ATF2: variants seen among roughly 807,000 people sequenced by gnomAD.
The protein encoded by ATF2 is activating transcription factor 2, also known as cyclic AMP-dependent transcription factor ATF-2.
ATF2 carries 24 observed loss-of-function variants against 60.6 expected under a neutral mutation model. The observed-to-expected ratio is 0.40, with a 90% CI of 0.29 to 0.56. The LOEUF is 0.56. ATF2 is among the 20% of genes least tolerant of loss of function. ATF2 has a pLI of 0.54. For synonymous variants in ATF2, 206 were observed against 215.4 expected (o/e 0.96, Z 0.38); for missense variants, 433 against 607.7 (o/e 0.71, Z 3.02).
At position 175,085,595 on chromosome 2, in the gene ATF2, CACAA is replaced by C. The variant is rs762415616; in HGVS notation, c.1186-4834_1186-4831del. 6.5e-3 allele frequency among the ~76,000 whole-genome samples: 839 copies of C among 129,944 alleles called. 6 individuals are homozygous for C. Among genetic ancestry groups the C allele is most frequent in the East Asian group, 0.028 (131 of 4,738 alleles). 85.2% of individuals were successfully genotyped at this position (129,944 alleles called of 152,430 possible). A position where few individuals can be genotyped will look rare whatever the true frequency, so the allele number is the denominator to read the frequency against. On this transcript the variant is annotated intron_variant, in intron 12 of 13. Transcript: ENST00000264110. ...ACACACACACACACACACACACACACACAAATTCTCTCTTTAAATAGACAGGTCT... is the reference window on the plus strand; with the variant it reads ...ACACACACACACACACACACACACACATTCTCTCTTTAAATAGACAGGTCT...
chr2:175,123,317 T>A (rs759537754), intron 4 of ATF2, among the ~76,000 whole-genome samples: 25 of 152,026 alleles, frequency 1.6e-4, no homozygotes, highest in Non-Finnish European at 2.4e-4. Context: ...GTGTCTTACA[T>A]CCTACACTAA....
chr2:175,093,286 A>G lies in ATF2; in HGVS notation c.979-19T>C, dbSNP rs1448840311. 6.2e-7 allele frequency: 1 copy of G among 1,607,980 alleles called. No homozygotes were observed. The highest frequency in any genetic ancestry group is 1.3e-5 in the African/African-American group (1 of 74,766). On this transcript the variant is annotated intron_variant, in intron 11 of 13. Transcript: ENST00000264110. ...GAGAAGCCTATTATAAACAGAGATG[A>G]AAGCCTGTTATATTTGTATCTAGTG...
chr2:175,074,708 G>A lies in ATF2; in HGVS notation c.1419C>T (p.Ala473=). ...CCGCCATCTGGGTGAGGACTGAAGTGGCTACAGCTTCTGCCTTGGAGGTTG... is the reference window on the plus strand; with the variant it reads ...CCGCCATCTGGGTGAGGACTGAAGTAGCTACAGCTTCTGCCTTGGAGGTTG... ...VSSTSKAEAV[A]TSVLTQMADQ... The change falls in exon 14 of 14, where the codon GCC becomes GCT. Residue 473 remains alanine (A), a synonymous_variant. Transcript: ENST00000264110. The A allele has an allele frequency of 6.2e-7, 1 of 1,613,418 alleles. No homozygotes were observed. The highest frequency in any genetic ancestry group is 2.2e-5 in the East Asian group (1 of 44,848).
chr2:175,150,100 CA>C (rs1699208235), intron 2 of ATF2, among the ~76,000 whole-genome samples: 1 of 152,142 alleles, frequency 6.6e-6, no homozygotes, highest in Non-Finnish European at 1.5e-5. Flanking sequence ...TTATTTAATG[CA>C]GGTATCACAG....
chr2:175,116,847 C>G (rs1233353295), intron 7 of ATF2, among the ~76,000 whole-genome samples: 2 of 151,816 alleles, frequency 1.3e-5, no homozygotes, highest in African/African-American at 4.8e-5. Context: ...TTTCCAATAA[C>G]TGTAATAATG....
At chr2:175,133,878 A>G (rs1023440269) in intron 3 of ATF2, among the ~76,000 whole-genome samples, 13 of 152,188 alleles carry the variant, frequency 8.5e-5, no homozygotes, top group Non-Finnish European at 1.2e-4. Context: ...TTTAAATTAT[A>G]CCTCAATAAA....
intron 1 of ATF2, among the ~76,000 whole-genome samples, chr2:175,164,923 C>T (rs1326093196): frequency 2.0e-5 from 3 of 152,210 alleles, no homozygotes; most frequent in Non-Finnish European, 4.4e-5. Flanking sequence ...GTGGCACGAT[C>T]GGCTCTCACT....
At chr2:175,083,823 A>AACTG (rs1693941929) in intron 12 of ATF2, among the ~76,000 whole-genome samples, 1 of 152,310 alleles carries the variant, frequency 6.6e-6, no homozygotes, top group Admixed American at 6.5e-5. Context: ...CCCCATCCAA[A>AACTG]ACTGGGCAAA....
rs945273415 is a variant in ATF2 at position 175,074,256 on chromosome 2, G to A, written c.*353C>T. Reference sequence around the variant, plus strand: ...GTTGAGGGTTAAGGGGTGGTCAAAAGAAATGGAAGTGGGAAGAAAGATTCA... The same window carrying A: ...GTTGAGGGTTAAGGGGTGGTCAAAAAAAATGGAAGTGGGAAGAAAGATTCA... On this transcript the variant is annotated 3_prime_UTR_variant, in exon 14 of 14. Transcript: ENST00000264110. 6 of 182,014 alleles carry A rather than the reference G, an allele frequency of 3.3e-5. No homozygotes were observed. Among genetic ancestry groups the A allele is most frequent in the African/African-American group, 1.4e-4 (6 of 41,626 alleles). The allele number at this position is 182,014 out of a possible 1,614,324, so 11.3% of individuals were successfully genotyped here. A position where few individuals can be genotyped will look rare whatever the true frequency, so the allele number is the denominator to read the frequency against.
intron 10 of ATF2, among the ~76,000 whole-genome samples, chr2:175,101,851 A>G (rs1260119775): frequency 6.6e-6 from 1 of 152,238 alleles, no homozygotes; most frequent in Non-Finnish European, 1.5e-5. Context: ...TGGGTATACA[A>G]CAGAAGAAAA....
At chr2:175,083,797 A>G (rs952503073) in intron 12 of ATF2, among the ~76,000 whole-genome samples, 2 of 152,216 alleles carry the variant, frequency 1.3e-5, no homozygotes, top group Non-Finnish European at 2.9e-5. Context: ...CAAATTTACA[A>G]GAAAAAAACA....
rs1378601662 is a variant in ATF2, at chr2:175,073,048, T to C, written c.*1561A>G. 1 of 152,172 alleles carries C rather than the reference T, an allele frequency of 6.6e-6. No individual in the cohort carries two copies. Among genetic ancestry groups the C allele is most frequent in the Non-Finnish European group, 1.5e-5 (1 of 68,018 alleles). The allele number at this position is 152,172 out of a possible 1,614,324, so 9.4% of individuals were successfully genotyped here. A position where few individuals can be genotyped will look rare whatever the true frequency, so the allele number is the denominator to read the frequency against. On this transcript the variant is annotated 3_prime_UTR_variant, in exon 14 of 14. Transcript: ENST00000264110. ...GATGCAGGACAAACTACACAACTTATTATAAATGCATTACAGATATTTACA... is the reference window on the plus strand; with the variant it reads ...GATGCAGGACAAACTACACAACTTACTATAAATGCATTACAGATATTTACA...
intron 1 of ATF2, among the ~76,000 whole-genome samples, chr2:175,155,677 A>T (rs1466495005): frequency 1.3e-5 from 2 of 152,246 alleles, no homozygotes; most frequent in African/African-American, 4.8e-5. Context: ...ACATTAAAAT[A>T]CATTGGATTC....
chr2:175,145,164 G>A (rs1052252439), intron 2 of ATF2, among the ~76,000 whole-genome samples: 4 of 152,234 alleles, frequency 2.6e-5, no homozygotes, highest in African/African-American at 9.6e-5. Flanking sequence ...TCCACTGAGA[G>A]GGCCTGGGAA....
intron 1 of ATF2, among the ~76,000 whole-genome samples, chr2:175,166,287 T>G (rs940716608): frequency 2.6e-5 from 4 of 152,212 alleles, no homozygotes; most frequent in Admixed American, 2.6e-4. Flanking sequence ...AAAGCAAGAT[T>G]AAACGTCTTA....
chr2:175,077,990 G>C (rs921428293), intron 13 of ATF2, among the ~76,000 whole-genome samples: 1 of 152,090 alleles, frequency 6.6e-6, no homozygotes, highest in Non-Finnish European at 1.5e-5. Context: ...CCTTATTTGA[G>C]ATAGGGTCTC....
At chr2:175,139,940 G>T (rs932441834) in intron 2 of ATF2, among the ~76,000 whole-genome samples, 3 of 152,036 alleles carry the variant, frequency 2.0e-5, no homozygotes, top group African/African-American at 7.3e-5. Context: ...TAAAATGAAG[G>T]TTAAAGCAAA....
chr2:175,149,844 T>C (rs73039713), intron 2 of ATF2, among the ~76,000 whole-genome samples: 14,292 of 152,214 alleles, frequency 0.094, 722 homozygotes, highest in Middle Eastern at 0.17. Flanking sequence ...CATCCATTCC[T>C]TTCTTAGTCA....
At chr2:175,118,427 A>G (rs1696732103) in intron 5 of ATF2, 58 bp from the exon 6 acceptor site, 15 of 1,382,010 alleles carry the variant, frequency 1.1e-5, no homozygotes, top group Non-Finnish European at 1.5e-5. Context: ...ACTCTAAAAT[A>G]TAGCTACTAA....
Sources: gnomAD v4.1 joint callset for allele counts (sites outside exome capture counted in the v4.1 genomes callset) on GRCh38, gnomAD v4.1.1 for gene constraint, MANE v1.5 for transcripts, NCBI Gene and HGNC (gene_info 2026-07-23, HGNC 2026-07-21) for gene names.